The following NRG3 variants were observed in gnomAD, a reference collection of about 807,000 sequenced individuals.
NRG3 encodes the protein pro-neuregulin-3, membrane-bound isoform.
NRG3 carries 31 observed loss-of-function variants against 66.9 expected under a neutral mutation model. The observed-to-expected ratio is 0.46, with a 90% confidence interval of 0.35 to 0.63. NRG3 has a LOEUF of 0.63. Ranked by LOEUF, NRG3 falls within the 20% of genes least tolerant of loss-of-function variation. The pLI, the probability that NRG3 is intolerant of heterozygous loss-of-function variation, is 0.00. For synonymous variants in NRG3, 393 were observed against 359.4 expected, an observed-to-expected ratio of 1.09 and a Z score of -1.06; for missense variants, 910 against 878.9, an observed-to-expected ratio of 1.04 and a Z score of -0.45.
rs925929307 is a variant in NRG3 at position 82,837,141 on chromosome 10, G to A, written c.1028-28270G>A. The stretch of plus-strand genomic sequence containing the variant: ...CCACATTTTCTTAATCCAGTCTATC[G>A]TTGTTGGACATTTGGCTTGGTTCCA... On this transcript the variant is annotated intron_variant, in intron 3 of 8. Coordinates refer to ENST00000372141, the MANE Select transcript of NRG3 (RefSeq NM_001010848.4). Among the ~76,000 whole-genome samples, 13 of 152,054 alleles carry A rather than the reference G, an allele frequency of 8.5e-5. No homozygotes were observed. In the East Asian group the frequency reaches 1.5e-3, roughly 18 times the overall value.
chr10:82,365,812 A>G (rs2084483371), intron 2 of NRG3, among the ~76,000 whole-genome samples: 1 of 152,238 alleles, frequency 6.6e-6, no homozygotes, highest in South Asian at 2.1e-4. Context: ...GTTATTAGCC[A>G]AAGATTACTT....
At chr10:82,195,505 C>G (rs116109300) in intron 1 of NRG3, among the ~76,000 whole-genome samples, 5,039 of 152,144 alleles carry the variant, frequency 0.033, 121 homozygotes, top group African/African-American at 0.069. Context: ...AAAGTTCAAT[C>G]GAACAAGCTC....
intron 1 of NRG3, among the ~76,000 whole-genome samples, chr10:82,181,615 G>A (rs2133230227): frequency 6.6e-6 from 1 of 151,896 alleles, no homozygotes; most frequent in East Asian, 1.9e-4. Flanking sequence ...ACTGTAGTTA[G>A]AAAACATACT....
intron 2 of NRG3, among the ~76,000 whole-genome samples, chr10:82,558,178 A>G (rs1415181062): frequency 2.0e-5 from 3 of 152,198 alleles, no homozygotes; most frequent in East Asian, 1.9e-4. Context: ...CGAGACTTTC[A>G]TGGTGGCTAG....
At chr10:82,017,255 G>A (rs2061828575) in intron 1 of NRG3, among the ~76,000 whole-genome samples, 1 of 152,142 alleles carries the variant, frequency 6.6e-6, no homozygotes, top group African/African-American at 2.4e-5. Context: ...CCCTACAAAG[G>A]ACATGAACTC....
At chr10:82,458,165 A>G (rs73303794) in intron 2 of NRG3, among the ~76,000 whole-genome samples, 362 of 152,246 alleles carry the variant, frequency 2.4e-3, no homozygotes, top group African/African-American at 8.4e-3. Flanking sequence ...TCCTCAGTTC[A>G]TCACATGATT....
Position 82,132,509 on chromosome 10 carries a change from TATATATG to T in NRG3, c.824-226223_824-226217del, listed in dbSNP as rs1480029335. On this transcript the variant is annotated intron_variant, in intron 1 of 8. Coordinates refer to ENST00000372141, the MANE Select transcript of NRG3 (RefSeq NM_001010848.4). ...ATATATATGATATATATATATCATA[TATATATG>T]ATATATATGATATATATATGATATA... Among the ~76,000 whole-genome samples the T allele has an allele frequency of 3.3e-3, 85 of 25,714 alleles. 2 individuals carry two copies. The highest frequency in any genetic ancestry group is 4.4e-3 in the African/African-American group (28 of 6,398). The allele number at this position is 25,714 out of a possible 152,430, so 16.9% of individuals were successfully genotyped here.
intron 4 of NRG3, among the ~76,000 whole-genome samples, chr10:82,918,314 G>C (rs1846085945): frequency 6.6e-6 from 1 of 152,046 alleles, no homozygotes. Context: ...ACCTGAGTTT[G>C]AATCCCCATT....
chr10:82,289,448 C>T (rs1414756), intron 1 of NRG3, among the ~76,000 whole-genome samples: 71,467 of 149,986 alleles, frequency 0.48, 20,758 homozygotes, highest in African/African-American at 0.81. Flanking sequence ...AACAAGAATT[C>T]AAGTTCTAAT....
chr10:82,261,591 G>T (rs2078035244), intron 1 of NRG3, among the ~76,000 whole-genome samples: 1 of 152,118 alleles, frequency 6.6e-6, no homozygotes, highest in African/African-American at 2.4e-5. Context: ...CCCAAAGAGA[G>T]ATTTACCCAC....
intron 2 of NRG3, among the ~76,000 whole-genome samples, chr10:82,698,031 A>G (rs1255766226): frequency 1.3e-5 from 2 of 152,088 alleles, no homozygotes; most frequent in African/African-American, 4.8e-5. Context: ...AAGGCAACCC[A>G]TTTTTCAGCT....
intron 1 of NRG3, among the ~76,000 whole-genome samples, chr10:82,305,683 AGGT>A (rs2080686491): frequency 6.6e-6 from 1 of 152,010 alleles, no homozygotes; most frequent in African/African-American, 2.4e-5. Context: ...TATATCCTAT[AGGT>A]ATTATTATTT....
At chr10:82,725,595 A>G (rs1381860967) in intron 2 of NRG3, among the ~76,000 whole-genome samples, 1 of 152,188 alleles carries the variant, frequency 6.6e-6, no homozygotes, top group Non-Finnish European at 1.5e-5. Context: ...TACTGTGACT[A>G]TTCAGATTAT....
intron 4 of NRG3, among the ~76,000 whole-genome samples, chr10:82,866,197 T>C (rs1840715847): frequency 6.6e-6 from 1 of 151,390 alleles, no homozygotes; most frequent in South Asian, 2.1e-4. Context: ...AAGATCTAAA[T>C]TTGAATCAAA....
At chr10:81,979,757 C>T (rs558193407) in intron 1 of NRG3, among the ~76,000 whole-genome samples, 46 of 152,252 alleles carry the variant, frequency 3.0e-4, no homozygotes, top group African/African-American at 1.1e-3. Context: ...TACGGATTTA[C>T]AAAATTACTT....
rs545583929 is a variant in NRG3, at chr10:81,962,731, G to A, written c.823+86568G>A. On this transcript the variant is annotated intron_variant, in intron 1 of 8. Coordinates refer to ENST00000372141, the MANE Select transcript of NRG3 (RefSeq NM_001010848.4). ...CAGTGTGTTCTTGGCTAGGGTGGCA[G>A]GGGCTAGAGGTTCCCCTCCAAGATG... 7.9e-5 allele frequency among the ~76,000 whole-genome samples: 12 copies of A among 152,298 alleles called. No homozygotes were observed. The South Asian group carries it at 2.1e-3, about 26-fold the overall frequency.
intron 1 of NRG3, among the ~76,000 whole-genome samples, chr10:81,897,867 A>T (rs1843663503): frequency 6.6e-6 from 1 of 152,158 alleles, no homozygotes; most frequent in African/African-American, 2.4e-5. Context: ...ATTCTTGTAG[A>T]TGTAGTGCAG....
intron 1 of NRG3, among the ~76,000 whole-genome samples, chr10:82,351,645 T>G (rs908751165): frequency 2.0e-5 from 3 of 152,200 alleles, no homozygotes; most frequent in Non-Finnish European, 4.4e-5. Context: ...GGTTTCTACA[T>G]ACATGCTACT....
intron 7 of NRG3, among the ~76,000 whole-genome samples, chr10:82,977,275 C>T (rs1230982851): frequency 6.6e-6 from 1 of 152,108 alleles, no homozygotes; most frequent in Non-Finnish European, 1.5e-5. Flanking sequence ...GCTATCTAGA[C>T]ATCCCTTGTT....
Sources: allele counts gnomAD v4.1 joint callset (sites outside exome capture counted in the v4.1 genomes callset), GRCh38; gene constraint gnomAD v4.1.1; transcripts MANE v1.5; gene names NCBI Gene and HGNC (gene_info 2026-07-23, HGNC 2026-07-21).